Variants in MZT2A observed in about 807,000 individuals in gnomAD.
MZT2A encodes mitotic spindle organizing protein 2A, also known as mitotic-spindle organizing protein 2A.
Under a neutral mutation model 12.4 loss-of-function variants are expected in MZT2A, and 8 were observed. The observed-to-expected ratio is 0.64, with a 90% CI of 0.38 to 1.16. MZT2A has a LOEUF of 1.16. Among genes scored for constraint, MZT2A ranks in the 50% most tolerant of loss-of-function variants. The pLI is 0.01. For synonymous variants in MZT2A, 88 were observed against 107.5 expected (o/e 0.82, Z 1.12); for missense variants, 181 against 223.6 (o/e 0.81, Z 1.22).
rs763077041 is a variant in MZT2A, at chr2:131,484,191, C to T, written c.347G>A (p.Gly116Glu). ...GCGTTCCGCCAGGGCCAATACTCCC[C>T]CGAGGGCAGCGCTGCCTTTGTCTCT... ...RGRDKGSAAL[G>E]GVLALAERSN... The change falls in exon 3 of 3, where the codon GGG (glycine) becomes GAG (glutamate). Residue 116 changes from glycine to glutamate, a missense_variant. Physicochemically the swap from Gly to Glu is moderately conservative, Grantham distance 98. Coordinates refer to ENST00000309451, the MANE Select transcript of MZT2A (RefSeq NM_001085365.2). 1.9e-5 allele frequency: 30 copies of T among 1,613,960 alleles called. No individual in the cohort carries two copies. The highest frequency in any genetic ancestry group is 2.4e-5 in the Non-Finnish European group (28 of 1,179,960).
At chr2:131,483,944 A>AC (rs1678946166), downstream of MZT2A, 3 of 1,445,058 alleles carry the variant, frequency 2.1e-6, no homozygotes, top group South Asian at 5.1e-5. Context: ...AAAAAAAAAA[A>AC]ACAGTAGAGA....
intron 2 of MZT2A, among the ~76,000 whole-genome samples, chr2:131,487,062 T>G (rs925825745): frequency 1.3e-5 from 2 of 151,988 alleles, no homozygotes; most frequent in Non-Finnish European, 2.9e-5. Context: ...GGCTAGACAG[T>G]GGGATTGAAC....
At chr2:131,485,971 A>G (rs2622048) in intron 2 of MZT2A, among the ~76,000 whole-genome samples, 1 of 150,950 alleles carries the variant, frequency 6.6e-6, no homozygotes, top group East Asian at 1.9e-4. Context: ...GGCCCTCCTT[A>G]TGAGTTTCCG....
chr2:131,477,236 C>T (rs530043131), intron 2 of MZT2A, among the ~76,000 whole-genome samples: 1 of 151,728 alleles, frequency 6.6e-6, no homozygotes, highest in Non-Finnish European at 1.5e-5. Context: ...CAGGGACTCA[C>T]TATGTTACCC....
At chr2:131,492,062 G>A (rs762684791) in intron 1 of MZT2A, 38 bp from the exon 2 acceptor site, 1 of 1,559,094 alleles carries the variant, frequency 6.4e-7, no homozygotes, top group East Asian at 2.4e-5. Flanking sequence ...AGCCCTCTCC[G>A]CCCGGCGCGG....
intron 3 of MZT2A, among the ~76,000 whole-genome samples, chr2:131,471,088 G>A (rs1289097750): frequency 7.2e-6 from 1 of 138,302 alleles, no homozygotes; most frequent in East Asian, 1.9e-4. Context: ...CACACTTGCT[G>A]GACTAAGACT....
intron 2 of MZT2A, chr2:131,490,794 G>A: frequency 6.5e-7 from 1 of 1,549,974 alleles, no homozygotes; most frequent in Non-Finnish European, 8.7e-7. Flanking sequence ...GTGGCAGCTG[G>A]GCTGTGGAGC....
At chr2:131,487,050 C>T (rs1220178030) in intron 2 of MZT2A, among the ~76,000 whole-genome samples, 1 of 152,056 alleles carries the variant, frequency 6.6e-6, no homozygotes, top group Non-Finnish European at 1.5e-5. Flanking sequence ...CTGAGTCAGA[C>T]GGGCTAGACA....
downstream of MZT2A, chr2:131,482,587 C>A (rs775903908): frequency 1.2e-6 from 2 of 1,612,868 alleles, no homozygotes; most frequent in East Asian, 4.5e-5. Context: ...CAGTGGTCCC[C>A]GGGGGAGACC....
intron 2 of MZT2A, among the ~76,000 whole-genome samples, chr2:131,487,699 T>C (rs2104736643): frequency 6.6e-6 from 1 of 152,360 alleles, no homozygotes; most frequent in Admixed American, 6.5e-5. Context: ...CAAGTGATGC[T>C]CCTGCCTCAG....
upstream of MZT2A, chr2:131,492,480 C>A (rs1224748945): frequency 2.9e-6 from 3 of 1,051,846 alleles, no homozygotes; most frequent in South Asian, 4.7e-5. Context: ...CCGGGCTGCC[C>A]TGGCGGGAGC....
intron 2 of MZT2A, chr2:131,478,309 A>G: frequency 1.2e-6 from 2 of 1,613,986 alleles, no homozygotes; most frequent in Non-Finnish European, 1.7e-6. Flanking sequence ...GACTCCTTCA[A>G]CACGTTCTTC....
chr2:131,481,416 G>A (rs1678861365), downstream of MZT2A, among the ~76,000 whole-genome samples: 1 of 148,526 alleles, frequency 6.7e-6, no homozygotes, highest in East Asian at 2.0e-4. Flanking sequence ...CCATAGACAT[G>A]CAACACCATG....
At chr2:131,478,913 G>A (rs929350805) in intron 2 of MZT2A, 9 of 215,664 alleles carry the variant, frequency 4.2e-5, no homozygotes, top group Non-Finnish European at 5.5e-5. Context: ...GGTCATCCAG[G>A]GTGCCCTGAT....
intron 2 of MZT2A, chr2:131,476,189 C>A: frequency 1.2e-6 from 2 of 1,613,950 alleles, no homozygotes; most frequent in Non-Finnish European, 1.7e-6. Flanking sequence ...GCTGAAGCAG[C>A]GGAGTTCGCC....
chr2:131,492,389 C>T lies in MZT2A; in HGVS notation c.-13G>A. 5.4e-6 allele frequency: 7 copies of T among 1,288,934 alleles called. No homozygotes were observed. Among genetic ancestry groups the T allele is most frequent in the South Asian group, 2.6e-5 (1 of 38,468 alleles). The allele number at this position is 1,288,934 out of a possible 1,614,324, so 79.8% of individuals were successfully genotyped here. On this transcript the variant is annotated 5_prime_UTR_variant, in exon 1 of 3. Coordinates refer to ENST00000309451, the MANE Select transcript of MZT2A (RefSeq NM_001085365.2). ...CCTGCGCCGCCATCCGCGAGGCCCGCCGAAAGGTGCGCCCCGCCCCGCCGC... is the reference window on the plus strand; with the variant it reads ...CCTGCGCCGCCATCCGCGAGGCCCGTCGAAAGGTGCGCCCCGCCCCGCCGC...
intron 2 of MZT2A, chr2:131,490,842 A>T: frequency 1.3e-6 from 2 of 1,549,998 alleles, no homozygotes; most frequent in Non-Finnish European, 1.7e-6. Flanking sequence ...CTGGAGGAAA[A>T]CGAGGGCCTT....
At position 131,473,692 on chromosome 2, in the gene MZT2A, GAATTTGAGT is replaced by G. The variant is rs1294251375; in HGVS notation, c.279-1519_279-1511del. 2.8e-4 allele frequency among the ~76,000 whole-genome samples: 40 copies of G among 142,422 alleles called. 3 individuals are homozygous for G. The highest frequency in any genetic ancestry group is 2.4e-3 in the Admixed American group (36 of 14,964). The allele number at this position is 142,422 out of a possible 152,430, so 93.4% of individuals were successfully genotyped here. On this transcript the variant is annotated intron_variant and NMD_transcript_variant, in intron 2 of 4. Coordinates refer to the MZT2A transcript ENST00000427024. ...AGGCTGGGGGATCACTTGAGCCCAG[GAATTTGAGT>G]CCAGCCTGGTCAACATAGTGAGAAC...
intron 2 of MZT2A, among the ~76,000 whole-genome samples, chr2:131,475,909 C>T (rs1470137928): frequency 1.3e-5 from 2 of 151,764 alleles, no homozygotes; most frequent in African/African-American, 4.9e-5. Flanking sequence ...TCAGAAGACA[C>T]CCCGGAAATG....
Sources: gnomAD v4.1 joint callset for allele counts (sites outside exome capture counted in the v4.1 genomes callset) on GRCh38, gnomAD v4.1.1 for gene constraint, MANE v1.5 for transcripts, NCBI Gene and HGNC (gene_info 2026-07-23, HGNC 2026-07-21) for gene names.